Variants in CCDC73 observed in about 807,000 individuals in gnomAD.
CCDC73 encodes coiled-coil domain-containing protein 73.
Under a neutral mutation model 116.5 loss-of-function variants are expected in CCDC73, and 95 were observed. The ratio of observed to expected loss-of-function variants is 0.82; its 90% CI spans 0.69 to 0.97. The LOEUF (loss-of-function observed/expected upper bound fraction) is 0.97. Ranked by LOEUF, CCDC73 falls within the 50% of genes least tolerant of loss-of-function variation. CCDC73 has a pLI of 0.00. For missense variants in CCDC73, 1,066 were observed against 1,206.8 expected, an observed-to-expected ratio of 0.88 and a Z score of 1.73; for synonymous variants, 398 against 401.3, an observed-to-expected ratio of 0.99 and a Z score of 0.10.
intron 5 of CCDC73, among the ~76,000 whole-genome samples, chr11:32,699,915 A>G (rs966892195): frequency 2.0e-5 from 3 of 149,734 alleles, no homozygotes; most frequent in Non-Finnish European, 4.4e-5. Flanking sequence ...AAGAACCAAA[A>G]TCTCTACTTT....
At chr11:32,660,667 A>C (rs971783936) in intron 9 of CCDC73, among the ~76,000 whole-genome samples, 3 of 152,098 alleles carry the variant, frequency 2.0e-5, no homozygotes, top group South Asian at 2.1e-4. Context: ...TCTAAAAAAA[A>C]ACAAAAATTA....
At chr11:32,775,486 T>C (rs1285057843) in intron 1 of CCDC73, among the ~76,000 whole-genome samples, 1 of 152,186 alleles carries the variant, frequency 6.6e-6, no homozygotes, top group East Asian at 1.9e-4. Context: ...GTTGATTATG[T>C]GTTAATTTTA....
chr11:32,788,476 CTTT>C (rs35792191), intron 1 of CCDC73, among the ~76,000 whole-genome samples: 7 of 140,058 alleles, frequency 5.0e-5, no homozygotes, highest in East Asian at 2.1e-4. Flanking sequence ...TGGTACAAAT[CTTT>C]TTTTTTTTTT....
At chr11:32,662,494 T>C (rs2900888) in intron 9 of CCDC73, among the ~76,000 whole-genome samples, 3,669 of 152,292 alleles carry the variant, frequency 0.024, 142 homozygotes, top group African/African-American at 0.081. Context: ...TTTTGAGAAG[T>C]GTCTGCTCGT....
At chr11:32,778,177 A>G (rs1850553369) in intron 1 of CCDC73, among the ~76,000 whole-genome samples, 1 of 152,238 alleles carries the variant, frequency 6.6e-6, no homozygotes, top group African/African-American at 2.4e-5. Flanking sequence ...CAATATCAGC[A>G]ACACTTAAGA....
intron 1 of CCDC73, among the ~76,000 whole-genome samples, chr11:32,763,021 C>G (rs757538784): frequency 6.6e-6 from 1 of 152,204 alleles, no homozygotes; most frequent in Non-Finnish European, 1.5e-5. Flanking sequence ...AGTCTGAGAC[C>G]TAACTGCAAG....
intron 1 of CCDC73, among the ~76,000 whole-genome samples, chr11:32,777,030 C>T (rs1850543289): frequency 8.3e-6 from 1 of 120,130 alleles, no homozygotes; most frequent in African/African-American, 3.2e-5. Context: ...TATAATTGAA[C>T]TTAAAGTTAG....
Position 32,718,077 on chromosome 11 carries a change from T to C in CCDC73, c.206A>G (p.Lys69Arg). The C allele has an allele frequency of 6.2e-7, 1 of 1,600,706 alleles. No individual in the cohort carries two copies. Among genetic ancestry groups the C allele is most frequent in the Non-Finnish European group, 8.5e-7 (1 of 1,172,172 alleles). The change falls in exon 3 of 18, where the codon AAG (lysine) becomes AGG (arginine). Residue 69 changes from lysine (K) to arginine (R), a missense_variant and splice_region_variant. Coordinates refer to ENST00000335185, the MANE Select transcript of CCDC73 (RefSeq NM_001008391.4). Reference sequence around the variant, plus strand: ...ACAAAGCCTAATCATATTACTCACCTTTTGCCATTTAAGTTCCTGTGTCTC... The same window carrying C: ...ACAAAGCCTAATCATATTACTCACCCTTTGCCATTTAAGTTCCTGTGTCTC... Reference protein sequence around the residue: ...IVETQELKWQKETLQNQKETL... With the variant: ...IVETQELKWQRETLQNQKETL...
chr11:32,742,390 A>G (rs1278746960), intron 2 of CCDC73, among the ~76,000 whole-genome samples: 1 of 152,116 alleles, frequency 6.6e-6, no homozygotes. Flanking sequence ...TTTGATTTGC[A>G]TTTCTCTAAT....
intron 17 of CCDC73, among the ~76,000 whole-genome samples, chr11:32,606,919 G>A (rs1402606041): frequency 1.4e-5 from 2 of 147,146 alleles, no homozygotes; most frequent in African/African-American, 5.0e-5. Flanking sequence ...TGGGACTACA[G>A]GTGCCTGCCA....
At chr11:32,700,586 G>A (rs1849803472) in intron 5 of CCDC73, among the ~76,000 whole-genome samples, 1 of 152,284 alleles carries the variant, frequency 6.6e-6, no homozygotes. Flanking sequence ...ATTCTGAACT[G>A]TAAATGATGG....
chr11:32,709,846 G>A (rs1849884390), intron 3 of CCDC73, among the ~76,000 whole-genome samples: 2 of 152,080 alleles, frequency 1.3e-5, no homozygotes, highest in African/African-American at 2.4e-5. Flanking sequence ...GACATTTTTT[G>A]TTGATAATTT....
At chr11:32,805,172 G>A in the CCDC73 span, among the ~76,000 whole-genome samples, 1 of 152,174 alleles carries the variant, frequency 6.6e-6, no homozygotes, top group East Asian at 1.9e-4. Context: ...AGCCTTAAGA[G>A]TGAAAAAATG....
At chr11:32,688,034 T>G (rs1856219276) in intron 6 of CCDC73, among the ~76,000 whole-genome samples, 1 of 152,114 alleles carries the variant, frequency 6.6e-6, no homozygotes, top group Non-Finnish European at 1.5e-5. Context: ...CAGGAAACTA[T>G]GAGTCTATAT....
chr11:32,807,251 A>C, the CCDC73 span, among the ~76,000 whole-genome samples: 18 of 152,292 alleles, frequency 1.2e-4, no homozygotes, highest in South Asian at 4.1e-4. Context: ...TTATGAAAAC[A>C]ATTTGCTGTT....
chr11:32,699,365 A>C, intron 5 of CCDC73, 40 bp from the exon 6 acceptor site: 1 of 1,487,270 alleles, frequency 6.7e-7, no homozygotes, highest in East Asian at 2.5e-5. Context: ...TTCCAATGTA[A>C]ATAATAATAC....
intron 3 of CCDC73, among the ~76,000 whole-genome samples, chr11:32,709,830 G>C (rs1448366232): frequency 6.6e-6 from 1 of 152,150 alleles, no homozygotes; most frequent in Non-Finnish European, 1.5e-5. Context: ...AATCCGTCTG[G>C]TCCTAGACAT....
intron 3 of CCDC73, among the ~76,000 whole-genome samples, chr11:32,716,722 C>G (rs1450938664): frequency 6.6e-6 from 1 of 152,086 alleles, no homozygotes; most frequent in East Asian, 1.9e-4. Context: ...CCACCACGTC[C>G]TGCTAATATA....
intron 2 of CCDC73, among the ~76,000 whole-genome samples, chr11:32,736,386 T>C (rs1332391445): frequency 6.6e-6 from 1 of 152,150 alleles, no homozygotes; most frequent in East Asian, 1.9e-4. Flanking sequence ...AAGACACTTA[T>C]GCAGCCAAAA....
Sources: allele counts gnomAD v4.1 joint callset (sites outside exome capture counted in the v4.1 genomes callset), GRCh38; gene constraint gnomAD v4.1.1; transcripts MANE v1.5; gene names NCBI Gene and HGNC (gene_info 2026-07-23, HGNC 2026-07-21).